EXOC6B: variants seen among roughly 807,000 people sequenced by gnomAD.
EXOC6B encodes the protein exocyst complex component 6B, also known as SEC15 homolog B.
A neutral mutation model predicts 113.5 loss-of-function variants in EXOC6B; 54 were observed. The observed-to-expected ratio is 0.48, with a 90% confidence interval of 0.38 to 0.60. The LOEUF (loss-of-function observed/expected upper bound fraction) is 0.60. Among genes scored for constraint, EXOC6B ranks in the 20% least tolerant of loss-of-function variants. The pLI is 0.00. For missense variants in EXOC6B, 797 were observed against 977.5 expected, an observed-to-expected ratio of 0.82 and a Z score of 2.46; for synonymous variants, 357 against 339.0, an observed-to-expected ratio of 1.05 and a Z score of -0.58.
In EXOC6B at chr2:72,631,724, G is replaced by A. The variant is rs577514287; in HGVS notation, c.670-56056C>T. ...TTCGCCATGTTGTCCAGGCTTTCTC[G>A]AACTCCTAAGCTCAAGCAATCCACC... On this transcript the variant is annotated intron_variant, in intron 6 of 21. Coordinates refer to ENST00000272427, the MANE Select transcript of EXOC6B (RefSeq NM_015189.3). Among the ~76,000 whole-genome samples, 42 of 151,740 alleles carry A rather than the reference G, an allele frequency of 2.8e-4. 2 individuals carry two copies. Among genetic ancestry groups the A allele is most frequent in the South Asian group, 1.3e-3 (6 of 4,798 alleles).
intron 16 of EXOC6B, among the ~76,000 whole-genome samples, chr2:72,483,631 G>A (rs1699239948): frequency 6.6e-6 from 1 of 152,128 alleles, no homozygotes. Context: ...GACACTCTAG[G>A]ATTACAGTAG....
intron 1 of EXOC6B, among the ~76,000 whole-genome samples, chr2:72,755,257 C>T (rs1006350931): frequency 1.3e-5 from 2 of 152,164 alleles, no homozygotes; most frequent in South Asian, 2.1e-4. Context: ...ATGGGCACCA[C>T]TACTAATGAT....
intron 18 of EXOC6B, among the ~76,000 whole-genome samples, chr2:72,424,565 T>C (rs1695094711): frequency 6.6e-6 from 1 of 152,184 alleles, no homozygotes; most frequent in Non-Finnish European, 1.5e-5. Flanking sequence ...ATAGTTTTCA[T>C]TATCAATTCC....
chr2:72,264,216 G>A lies in EXOC6B; in HGVS notation c.2196+70731C>T, dbSNP rs1042004099. Reference sequence around the variant, plus strand: ...ATGTTAAAGACATTCATGGGACCCAGAGTCTCTTCTTTCTATACTCAACAT... The same window carrying A: ...ATGTTAAAGACATTCATGGGACCCAAAGTCTCTTCTTTCTATACTCAACAT... On this transcript the variant is annotated intron_variant, in intron 20 of 21. Coordinates refer to ENST00000272427, the MANE Select transcript of EXOC6B (RefSeq NM_015189.3). Among the ~76,000 whole-genome samples the A allele has an allele frequency of 2.6e-5, 4 of 152,250 alleles. No homozygotes were observed. The South Asian group carries it at 8.3e-4, about 32-fold the overall frequency.
chr2:72,623,758 G>C (rs1473224095), intron 6 of EXOC6B, among the ~76,000 whole-genome samples: 1 of 152,010 alleles, frequency 6.6e-6, no homozygotes, highest in African/African-American at 2.4e-5. Context: ...CTATTCAAAA[G>C]GTTCAAAAAG....
intron 19 of EXOC6B, among the ~76,000 whole-genome samples, chr2:72,371,037 A>G (rs1211361855): frequency 6.6e-6 from 1 of 151,544 alleles, no homozygotes; most frequent in Non-Finnish European, 1.5e-5. Flanking sequence ...AGAGGACACA[A>G]AACTCCTCCT....
Position 72,176,378 on chromosome 2 carries a change from A to C in EXOC6B, c.*2957T>G, listed in dbSNP as rs530831076. 1 of 152,322 alleles carries C rather than the reference A, an allele frequency of 6.6e-6. No individual in the cohort carries two copies. The highest frequency in any genetic ancestry group is 2.4e-5 in the African/African-American group (1 of 41,548). 9.4% of individuals were successfully genotyped at this position (152,322 alleles called of 1,614,324 possible). A position where few individuals can be genotyped will look rare whatever the true frequency, so the allele number is the denominator to read the frequency against. On this transcript the variant is annotated 3_prime_UTR_variant, in exon 22 of 22. Transcript: ENST00000272427. Reference sequence around the variant, plus strand: ...GGAATTTCTGCAGCAGTTCCTAGAGAGTGTGCTCAGAGGCCTGATGAGGAA... The same window carrying C: ...GGAATTTCTGCAGCAGTTCCTAGAGCGTGTGCTCAGAGGCCTGATGAGGAA...
chr2:72,300,382 T>C (rs1052471028), intron 20 of EXOC6B, among the ~76,000 whole-genome samples: 23 of 152,168 alleles, frequency 1.5e-4, no homozygotes, highest in African/African-American at 5.5e-4. Context: ...TACACCAAAC[T>C]TGAGCATCCC....
intron 6 of EXOC6B, among the ~76,000 whole-genome samples, chr2:72,662,198 T>C (rs1675072516): frequency 1.3e-5 from 2 of 151,912 alleles, no homozygotes; most frequent in Admixed American, 1.3e-4. Flanking sequence ...CACATGAAAA[T>C]TAACTGAAAA....
At chr2:72,697,950 T>C (rs1416837593) in intron 6 of EXOC6B, among the ~76,000 whole-genome samples, 1 of 152,122 alleles carries the variant, frequency 6.6e-6, no homozygotes, top group Non-Finnish European at 1.5e-5. Context: ...GGGACCTATA[T>C]ATAAAGACCG....
At chr2:72,464,978 G>A in intron 18 of EXOC6B, 182 bp downstream of exon 18, 3 of 594,986 alleles carry the variant, frequency 5.0e-6, no homozygotes, top group Non-Finnish European at 8.8e-6. Context: ...AAATGCAAAG[G>A]TCAATGAAAA....
chr2:72,471,319 T>C (rs1185598239), intron 17 of EXOC6B, among the ~76,000 whole-genome samples: 2 of 152,178 alleles, frequency 1.3e-5, no homozygotes, highest in Non-Finnish European at 2.9e-5. Flanking sequence ...GGGTTGTTTT[T>C]TTCTTGTAAA....
intron 6 of EXOC6B, among the ~76,000 whole-genome samples, chr2:72,582,542 T>G (rs1166955968): frequency 6.6e-6 from 1 of 150,966 alleles, no homozygotes; most frequent in African/African-American, 2.4e-5. Flanking sequence ...GTACAGAATT[T>G]TTTTTTTTTG....
intron 6 of EXOC6B, among the ~76,000 whole-genome samples, chr2:72,673,006 G>A (rs1676014387): frequency 6.6e-6 from 1 of 152,092 alleles, no homozygotes; most frequent in South Asian, 2.1e-4. Flanking sequence ...ACTCTGATTT[G>A]ATTATATGAA....
At chr2:72,455,737 T>C (rs1434921240) in intron 18 of EXOC6B, among the ~76,000 whole-genome samples, 1 of 152,120 alleles carries the variant, frequency 6.6e-6, no homozygotes. Context: ...TATATATTAA[T>C]ACCTACATAC....
At chr2:72,325,399 T>C (rs1028182304) in intron 20 of EXOC6B, among the ~76,000 whole-genome samples, 3 of 152,058 alleles carry the variant, frequency 2.0e-5, no homozygotes, top group Non-Finnish European at 4.4e-5. Flanking sequence ...TACCATTGCC[T>C]CAGAGGATCG....
intron 8 of EXOC6B, among the ~76,000 whole-genome samples, chr2:72,542,231 G>A (rs1702644278): frequency 6.6e-6 from 1 of 151,986 alleles, no homozygotes; most frequent in Admixed American, 6.6e-5. Flanking sequence ...TATGTGGTGA[G>A]AATAACCCAG....
chr2:72,652,642 T>A (rs1674268276), intron 6 of EXOC6B, among the ~76,000 whole-genome samples: 1 of 149,940 alleles, frequency 6.7e-6, no homozygotes, highest in Admixed American at 6.7e-5. Context: ...CAATAATATA[T>A]ATATATAAAG....
intron 11 of EXOC6B, among the ~76,000 whole-genome samples, chr2:72,512,893 G>C (rs1234302669): frequency 6.6e-6 from 1 of 152,018 alleles, no homozygotes; most frequent in East Asian, 1.9e-4. Context: ...CTGACACATA[G>C]AGAGAATAAT....
Sources: gnomAD v4.1 joint callset for allele counts (sites outside exome capture counted in the v4.1 genomes callset) on GRCh38, gnomAD v4.1.1 for gene constraint, MANE v1.5 for transcripts, NCBI Gene and HGNC (gene_info 2026-07-23, HGNC 2026-07-21) for gene names.